SPAG16: variants seen among roughly 807,000 people sequenced by gnomAD.
The protein encoded by SPAG16 is sperm associated antigen 16.
In SPAG16, 86 loss-of-function variants were observed where a neutral mutation model predicts 80.4. That is an observed-to-expected ratio of 1.07 (90% confidence interval 0.90 to 1.28). The LOEUF is 1.28. Ranked by LOEUF, SPAG16 falls within the 50% of genes most tolerant of loss-of-function variation. The pLI is 0.00. For synonymous variants in SPAG16, 294 were observed against 265.9 expected (o/e 1.11, Z -1.03); for missense variants, 870 against 765.3 (o/e 1.14, Z -1.61).
At chr2:213,723,184 T>C (rs2125400389) in intron 10 of SPAG16, among the ~76,000 whole-genome samples, 1 of 152,336 alleles carries the variant, frequency 6.6e-6, no homozygotes, top group East Asian at 1.9e-4. Context: ...TTGCTCTTGT[T>C]ATAATTAGAT....
Position 213,839,676 on chromosome 2 carries a change from A to G in SPAG16, c.1071-22809A>G, listed in dbSNP as rs192989658. ...AAAGTGAACATATTTCACAGCCTGGAATGTGACATTATTGTTGTACAGCAG... is the reference window on the plus strand; with the variant it reads ...AAAGTGAACATATTTCACAGCCTGGGATGTGACATTATTGTTGTACAGCAG... On this transcript the variant is annotated intron_variant, in intron 10 of 15. Coordinates refer to ENST00000331683, the MANE Select transcript of SPAG16 (RefSeq NM_024532.5). 1.6e-3 allele frequency among the ~76,000 whole-genome samples: 239 copies of G among 152,288 alleles called. 2 individuals carry two copies. Among genetic ancestry groups the G allele is most frequent in the Non-Finnish European group, 3.0e-3 (202 of 68,012 alleles).
intron 15 of SPAG16, among the ~76,000 whole-genome samples, chr2:214,284,727 T>C (rs943462234): frequency 1.3e-5 from 2 of 152,202 alleles, no homozygotes; most frequent in African/African-American, 4.8e-5. Context: ...TTTTCCAATC[T>C]AGTCAAACTT....
chr2:214,168,810 C>A (rs553393690), intron 15 of SPAG16, among the ~76,000 whole-genome samples: 5 of 152,094 alleles, frequency 3.3e-5, no homozygotes, highest in African/African-American at 1.2e-4. Context: ...GGGAACAAAC[C>A]CCCCGGGTAG....
chr2:214,003,932 C>A (rs1575791771), intron 12 of SPAG16, among the ~76,000 whole-genome samples: 1 of 152,058 alleles, frequency 6.6e-6, no homozygotes. Context: ...AAATCACCAA[C>A]AAAAAATCAC....
chr2:213,901,866 A>G (rs534143486), intron 11 of SPAG16, among the ~76,000 whole-genome samples: 1 of 152,262 alleles, frequency 6.6e-6, no homozygotes, highest in African/African-American at 2.4e-5. Flanking sequence ...TGGTTAAAAA[A>G]TCATTCTGAA....
intron 15 of SPAG16, among the ~76,000 whole-genome samples, chr2:214,178,295 G>T (rs1436044090): frequency 6.6e-6 from 1 of 150,796 alleles, no homozygotes; most frequent in Non-Finnish European, 1.5e-5. Context: ...TAGGAAATTG[G>T]AATGTAGGAG....
intron 10 of SPAG16, among the ~76,000 whole-genome samples, chr2:213,684,903 G>C (rs540414309): frequency 4.8e-4 from 73 of 152,304 alleles, no homozygotes; most frequent in African/African-American, 1.7e-3. Flanking sequence ...ATACTACAAT[G>C]CAAAATTGCA....
At chr2:213,636,581 C>T (rs1019579647) in intron 10 of SPAG16, among the ~76,000 whole-genome samples, 1 of 152,122 alleles carries the variant, frequency 6.6e-6, no homozygotes, top group African/African-American at 2.4e-5. Flanking sequence ...TCTACCTGTC[C>T]ATGAGCATGG....
chr2:213,939,831 T>C (rs1277030119), intron 12 of SPAG16, among the ~76,000 whole-genome samples: 5 of 152,158 alleles, frequency 3.3e-5, no homozygotes, highest in East Asian at 1.9e-4. Context: ...AGAGATAATA[T>C]ACAAAGATGT....
intron 10 of SPAG16, among the ~76,000 whole-genome samples, chr2:213,809,174 A>G (rs2071964529): frequency 6.6e-6 from 1 of 152,170 alleles, no homozygotes; most frequent in African/African-American, 2.4e-5. Context: ...AAGGGAATAC[A>G]TTGGATTTAT....
intron 12 of SPAG16, among the ~76,000 whole-genome samples, chr2:214,008,602 T>G (rs2047139370): frequency 6.6e-6 from 1 of 152,056 alleles, no homozygotes; most frequent in South Asian, 2.1e-4. Flanking sequence ...AAAATCAGCC[T>G]GGTGTGCTGG....
chr2:214,410,330 C>T lies in SPAG16; in HGVS notation c.*15C>T. The T allele has an allele frequency of 1.9e-6, 3 of 1,580,492 alleles. No individual in the cohort carries two copies. Among genetic ancestry groups the T allele is most frequent in the Admixed American group, 1.7e-5 (1 of 58,968 alleles). On this transcript the variant is annotated 3_prime_UTR_variant, in exon 16 of 16. Coordinates refer to ENST00000331683, the MANE Select transcript of SPAG16 (RefSeq NM_024532.5). ...CGTGGTCTTGACCGTCAGCACATCCCGCTGCAGAGGGCATTCCCTTTAAGG... is the reference window on the plus strand; with the variant it reads ...CGTGGTCTTGACCGTCAGCACATCCTGCTGCAGAGGGCATTCCCTTTAAGG...
chr2:214,067,736 A>T (rs188583130), intron 13 of SPAG16, among the ~76,000 whole-genome samples: 1 of 152,204 alleles, frequency 6.6e-6, no homozygotes, highest in Admixed American at 6.6e-5. Flanking sequence ...GGTCCTTGCC[A>T]GGATTTTGTT....
At chr2:214,215,751 C>A (rs971088820) in intron 15 of SPAG16, among the ~76,000 whole-genome samples, 1 of 152,182 alleles carries the variant, frequency 6.6e-6, no homozygotes, top group African/African-American at 2.4e-5. Context: ...TCTGTTCCTT[C>A]TGCCAGTTGC....
At chr2:213,323,402 C>T (rs1056460689) in intron 5 of SPAG16, among the ~76,000 whole-genome samples, 2 of 151,952 alleles carry the variant, frequency 1.3e-5, no homozygotes, top group Non-Finnish European at 2.9e-5. Context: ...GATCATGCCA[C>T]TGCACTCCAG....
intron 9 of SPAG16, chr2:213,422,142 TGAG>T (rs1411043431): frequency 1.4e-6 from 1 of 695,724 alleles, no homozygotes; most frequent in Non-Finnish European, 2.6e-6. Context: ...TTGCAGGTGA[TGAG>T]AAGGAGAGAA....
chr2:213,801,855 A>C (rs2556295), intron 10 of SPAG16, among the ~76,000 whole-genome samples: 140,382 of 152,220 alleles, frequency 0.92, 65,811 homozygotes, highest in East Asian at 1. Context: ...CAATTGTATA[A>C]TGTGAATAAG....
chr2:213,411,393 C>A (rs992122951), intron 9 of SPAG16, among the ~76,000 whole-genome samples: 1 of 152,120 alleles, frequency 6.6e-6, no homozygotes, highest in Admixed American at 6.5e-5. Flanking sequence ...CTACTACAAC[C>A]AACAGCGATT....
At chr2:214,326,322 C>T (rs377571618) in intron 15 of SPAG16, among the ~76,000 whole-genome samples, 17 of 152,200 alleles carry the variant, frequency 1.1e-4, no homozygotes, top group African/African-American at 3.4e-4. Context: ...AGAGGATGGA[C>T]GAGGCTAGGA....
Sources: gnomAD v4.1 joint callset for allele counts (sites outside exome capture counted in the v4.1 genomes callset) on GRCh38, gnomAD v4.1.1 for gene constraint, MANE v1.5 for transcripts, NCBI Gene and HGNC (gene_info 2026-07-23, HGNC 2026-07-21) for gene names.